Variants in COL4A2 observed in about 807,000 individuals in gnomAD.
COL4A2 encodes the protein collagen type IV alpha 2 chain, also known as collagen alpha-2(IV) chain.
Under a neutral mutation model 200.2 loss-of-function variants are expected in COL4A2, and 99 were observed. The observed-to-expected ratio is 0.49, with a 90% confidence interval of 0.42 to 0.58. COL4A2 has a LOEUF of 0.58. Among genes scored for constraint, COL4A2 ranks in the 20% least tolerant of loss-of-function variants. The probability of loss-of-function intolerance (pLI) is 0.00; values close to 1 mark genes in which losing one functional copy is unlikely to be tolerated. For missense variants in COL4A2, 1,950 were observed against 2,314.1 expected (o/e 0.84, Z 3.23); for synonymous variants, 897 against 900.6 (o/e 1.00, Z 0.07).
At chr13:110,333,054 G>A (rs919291386) in intron 3 of COL4A2, among the ~76,000 whole-genome samples, 1 of 152,204 alleles carries the variant, frequency 6.6e-6, no homozygotes, top group African/African-American at 2.4e-5. Flanking sequence ...GGCTGCAGCT[G>A]TGCATGTGGT....
chr13:110,466,157 TA>T, intron 26 of COL4A2, 95 bp downstream of exon 26: 1 of 1,421,178 alleles, frequency 7.0e-7, no homozygotes, highest in East Asian at 2.3e-5. Context: ...TAAGAAATAT[TA>T]ATAATATGTG....
Position 110,472,940 on chromosome 13 carries a change from C to T in COL4A2, c.2215C>T (p.Pro739Ser), listed in dbSNP as rs1487838935. 3.9e-6 allele frequency: 6 copies of T among 1,556,060 alleles called. No homozygotes were observed. The highest frequency in any genetic ancestry group is 3.9e-5 in the Admixed American group (2 of 51,892). ...ATGTTTCCTTTTAGGGTTCATAGGA[C>T]CCCGAGGATCCAAAGGTGCAGTGGG... ...GFPGPPGFIG[P>S]RGSKGAVGLP... Residue 739 changes from proline to serine, a missense_variant, in exon 29 of 48, where the codon CCC (proline) becomes TCC (serine). This residue lies in a region of COL4A2 where 1,385 missense variants were observed against 1,720.5 expected (regional missense o/e 0.80). Transcript: ENST00000360467.
rs754059138 is a variant in COL4A2, at chr13:110,438,005, GA to G, written c.834del (p.Gly279AlafsTer8). The G allele has an allele frequency of 3.1e-6, 5 of 1,612,722 alleles. No homozygotes were observed. Among genetic ancestry groups the G allele is most frequent in the Non-Finnish European group, 4.2e-6 (5 of 1,178,970 alleles). On this transcript the variant is annotated frameshift_variant, in exon 14 of 48. Transcript: ENST00000360467. LOFTEE classifies it high-confidence loss of function. ...TTATTTTTCATATTCTTCACAGGGT[GA>G]AAAAGGCAGTGAGGGGGAACCAGGA... ...VTFHPDQYKG[E>X]KGSEGEPGIR...
At position 110,511,813 on chromosome 13, in the gene COL4A2, G is replaced by A. The variant is rs142477889; in HGVS notation, c.4882-121G>A. The A allele has an allele frequency of 4.0e-3, 6,002 of 1,495,396 alleles. 14 individuals are homozygous for A. The highest frequency in any genetic ancestry group is 4.6e-3 in the Non-Finnish European group (5,057 of 1,105,806). The allele number at this position is 1,495,396 out of a possible 1,614,324, so 92.6% of individuals were successfully genotyped here. A position where few individuals can be genotyped will look rare whatever the true frequency, so the allele number is the denominator to read the frequency against. ...GCATTCGCGAGGATGCCTCATGTCC[G>A]TATTGACACTCATGGTTTGCTGTTC... On this transcript the variant is annotated intron_variant, in intron 47 of 47. Transcript: ENST00000360467.
At chr13:110,396,564 C>G (rs1321173636) in intron 4 of COL4A2, among the ~76,000 whole-genome samples, 1 of 152,154 alleles carries the variant, frequency 6.6e-6, no homozygotes, top group Non-Finnish European at 1.5e-5. Context: ...TGAAATGGGG[C>G]TCTTGTCTTT....
intron 4 of COL4A2, among the ~76,000 whole-genome samples, chr13:110,406,400 G>A (rs1486607212): frequency 6.6e-6 from 1 of 152,174 alleles, no homozygotes; most frequent in Non-Finnish European, 1.5e-5. Context: ...TGGTCTTAAG[G>A]AAGTGACAGC....
chr13:110,466,535 C>T (rs1196325824), intron 26 of COL4A2, among the ~76,000 whole-genome samples: 2 of 152,230 alleles, frequency 1.3e-5, no homozygotes, highest in Non-Finnish European at 2.9e-5. Flanking sequence ...CTGCTCCCAG[C>T]CACACCAACC....
At chr13:110,431,297 CTG>C (rs1381427284) in intron 10 of COL4A2, among the ~76,000 whole-genome samples, 2 of 152,154 alleles carry the variant, frequency 1.3e-5, no homozygotes, top group Non-Finnish European at 2.9e-5. Context: ...TTGCTCAAGA[CTG>C]AGACAAGCTA....
At chr13:110,440,666 G>A (rs572858056) in intron 16 of COL4A2, among the ~76,000 whole-genome samples, 5 of 152,268 alleles carry the variant, frequency 3.3e-5, no homozygotes, top group East Asian at 1.9e-4. Flanking sequence ...ATTTAGAACC[G>A]TCTGAACTCT....
At chr13:110,343,181 C>G (rs9559772) in intron 3 of COL4A2, among the ~76,000 whole-genome samples, 15,942 of 152,142 alleles carry the variant, frequency 0.1, 1,225 homozygotes, top group South Asian at 0.31. Context: ...ATTAAAATCC[C>G]AACAACCTAG....
intron 47 of COL4A2, among the ~76,000 whole-genome samples, chr13:110,511,148 T>C (rs1422362552): frequency 6.6e-6 from 1 of 151,376 alleles, no homozygotes; most frequent in African/African-American, 2.4e-5. Context: ...ATGGCCCTTA[T>C]ACACCAACTC....
chr13:110,434,255 A>G (rs1259444569), intron 11 of COL4A2, 146 bp from the exon 12 acceptor site: 36 of 697,544 alleles, frequency 5.2e-5, no homozygotes, highest in Middle Eastern at 7.3e-4. Context: ...AGTTTCTACA[A>G]TGCAAAGCAA....
chr13:110,449,858 G>A, intron 19 of COL4A2, 69 bp downstream of exon 19: 1 of 1,468,604 alleles, frequency 6.8e-7, no homozygotes, highest in Non-Finnish European at 9.1e-7. Context: ...GCACACACAA[G>A]GGAGACTTCG....
chr13:110,478,714 T>G (rs931032802), intron 30 of COL4A2, among the ~76,000 whole-genome samples: 1 of 152,264 alleles, frequency 6.6e-6, no homozygotes, highest in Admixed American at 6.5e-5. Context: ...ACTCCTACAC[T>G]TCACGGTCCA....
intron 16 of COL4A2, among the ~76,000 whole-genome samples, chr13:110,443,690 T>A (rs61963240): frequency 1.3e-5 from 2 of 152,106 alleles, no homozygotes; most frequent in Middle Eastern, 3.4e-3. Context: ...CAGCTTTCCC[T>A]AAGGGTGGGC....
At chr13:110,367,925 C>T (rs892842159) in intron 4 of COL4A2, among the ~76,000 whole-genome samples, 4 of 152,200 alleles carry the variant, frequency 2.6e-5, no homozygotes, top group African/African-American at 9.7e-5. Flanking sequence ...CCGGCCATAC[C>T]ATTGCAACCT....
intron 32 of COL4A2, among the ~76,000 whole-genome samples, chr13:110,483,819 G>A (rs1883018696): frequency 6.6e-6 from 1 of 152,240 alleles, no homozygotes; most frequent in South Asian, 2.1e-4. Context: ...CTGGGATAAA[G>A]TGTTCTCAAG....
intron 3 of COL4A2, among the ~76,000 whole-genome samples, chr13:110,348,140 G>A (rs901016456): frequency 5.3e-5 from 8 of 152,238 alleles, no homozygotes; most frequent in African/African-American, 1.9e-4. Context: ...GAGTCTCTCA[G>A]TTCCATGAGG....
chr13:110,472,900 G>T, intron 28 of COL4A2, 29 bp from the exon 29 acceptor site: 1 of 1,544,082 alleles, frequency 6.5e-7, no homozygotes, highest in Non-Finnish European at 8.8e-7. Context: ...CTAACTTGTG[G>T]TTTGGGGCCC....
Sources: allele counts gnomAD v4.1 joint callset (sites outside exome capture counted in the v4.1 genomes callset), GRCh38; gene constraint gnomAD v4.1.1; regional missense constraint gnomAD v4.1.1; transcripts MANE v1.5; gene names NCBI Gene and HGNC (gene_info 2026-07-23, HGNC 2026-07-21).